HTR4: variants seen among roughly 807,000 people sequenced by gnomAD.
The protein encoded by HTR4 is 5-hydroxytryptamine (serotonin) receptor 4, G protein-coupled.
A neutral mutation model predicts 36.8 loss-of-function variants in HTR4; 16 were observed. That is an observed-to-expected ratio of 0.43 (90% CI 0.29 to 0.66). The LOEUF (loss-of-function observed/expected upper bound fraction) is 0.66, where lower values mean the gene tolerates loss of function less well. Ranked by LOEUF, HTR4 falls within the 30% of genes least tolerant of loss-of-function variation. The pLI, the probability that HTR4 is intolerant of heterozygous loss-of-function variation, is 0.13. For missense variants in HTR4, 438 were observed against 490.9 expected, an observed-to-expected ratio of 0.89 and a Z score of 1.02; for synonymous variants, 189 against 185.1, an observed-to-expected ratio of 1.02 and a Z score of -0.17.
chr5:148,591,989 T>A (rs779793562), intron 2 of HTR4, among the ~76,000 whole-genome samples: 5 of 152,062 alleles, frequency 3.3e-5, no homozygotes, highest in Non-Finnish European at 7.4e-5. Flanking sequence ...ACAACTGAAA[T>A]GTCATCAATG....
downstream of HTR4, among the ~76,000 whole-genome samples, chr5:148,480,756 T>G (rs906149533): frequency 6.6e-6 from 1 of 152,242 alleles, no homozygotes; most frequent in Non-Finnish European, 1.5e-5. Context: ...TTTCTTTCTC[T>G]GTTTCTTTAT....
At chr5:148,490,675 T>C (rs1048052515) in intron 6 of HTR4, 2 of 1,179,648 alleles carry the variant, frequency 1.7e-6, no homozygotes, top group Admixed American at 8.1e-5. Flanking sequence ...ACACTTTTAA[T>C]TGACTGATGG....
intron 2 of HTR4, among the ~76,000 whole-genome samples, chr5:148,598,439 G>A (rs1488446970): frequency 6.6e-6 from 1 of 151,994 alleles, no homozygotes; most frequent in African/African-American, 2.4e-5. Flanking sequence ...AGGTACTAAG[G>A]AGTCTAAGGT....
Position 148,511,647 on chromosome 5 carries a change from G to GTGTGTGTGTGTA in HTR4, c.508-1635_508-1624dup, listed in dbSNP as rs1554090333. On this transcript the variant is annotated intron_variant, in intron 5 of 6. Coordinates refer to ENST00000377888, the MANE Select transcript of HTR4 (RefSeq NM_000870.7). ...TGTGTGTGTGTGTGTGTGTGTGTGT[G>GTGTGTGTGTGTA]TGTGTGTGTGTATTTTCATCTCTCT... Among the ~76,000 whole-genome samples the GTGTGTGTGTGTA allele has an allele frequency of 9.4e-4, 142 of 151,870 alleles. 1 individual carries two copies. Among genetic ancestry groups the GTGTGTGTGTGTA allele is most frequent in the African/African-American group, 3.2e-3 (131 of 41,382 alleles).
At chr5:148,492,231 C>T (rs1013413966) in intron 6 of HTR4, among the ~76,000 whole-genome samples, 1 of 152,172 alleles carries the variant, frequency 6.6e-6, no homozygotes, top group Non-Finnish European at 1.5e-5. Flanking sequence ...CAAACACACA[C>T]GGAATGTGCT....
Position 148,482,946 on chromosome 5 carries a change from G to A in HTR4, c.*257C>T, listed in dbSNP as rs1755957446. ...ATGTCAGAGACACCAGAGACCACGC[G>A]GCAAAAGCAGAGAATCTGGGAAGAG... is the stretch of plus-strand genomic sequence containing the variant. On this transcript the variant is annotated 3_prime_UTR_variant, in exon 7 of 7. Coordinates refer to ENST00000377888, the MANE Select transcript of HTR4 (RefSeq NM_000870.7). 7.3e-7 allele frequency: 1 copy of A among 1,360,572 alleles called. No homozygotes were observed. Among genetic ancestry groups the A allele is most frequent in the South Asian group, 1.6e-5 (1 of 62,394 alleles). The allele number at this position is 1,360,572 out of a possible 1,614,324, so 84.3% of individuals were successfully genotyped here. A position where few individuals can be genotyped will look rare whatever the true frequency, so the allele number is the denominator to read the frequency against.
chr5:148,538,585 C>T (rs1049945682), intron 4 of HTR4, among the ~76,000 whole-genome samples: 1 of 152,076 alleles, frequency 6.6e-6, no homozygotes. Context: ...CCTACGACAG[C>T]CAAGCTAAGA....
chr5:148,606,120 G>T (rs962111077), intron 2 of HTR4, among the ~76,000 whole-genome samples: 6 of 152,198 alleles, frequency 3.9e-5, no homozygotes, highest in African/African-American at 1.4e-4. Context: ...ATTTGGAATT[G>T]CAGAGACTGG....
chr5:148,526,742 G>T (rs981983996), intron 4 of HTR4, among the ~76,000 whole-genome samples: 1 of 152,042 alleles, frequency 6.6e-6, no homozygotes, highest in Non-Finnish European at 1.5e-5. Context: ...GATGGAACTG[G>T]AGGACATTAT....
chr5:148,539,776 A>G (rs889278070), intron 4 of HTR4, among the ~76,000 whole-genome samples: 5 of 152,158 alleles, frequency 3.3e-5, no homozygotes, highest in Non-Finnish European at 7.4e-5. Flanking sequence ...GTTGGAGGGA[A>G]TGTAAATTAG....
At chr5:148,478,076 A>G (rs1203699932), downstream of HTR4, among the ~76,000 whole-genome samples, 1 of 152,244 alleles carries the variant, frequency 6.6e-6, no homozygotes, top group African/African-American at 2.4e-5. Context: ...AAGAGAGAGT[A>G]GAGACCTTGT....
At chr5:148,627,339 T>A (rs1184456432) in intron 2 of HTR4, among the ~76,000 whole-genome samples, 2 of 140,022 alleles carry the variant, frequency 1.4e-5, no homozygotes, top group Non-Finnish European at 1.6e-5. Flanking sequence ...AAGAAGTTTG[T>A]CGATTTTTTT....
downstream of HTR4, among the ~76,000 whole-genome samples, chr5:148,476,121 C>A (rs534859377): frequency 1.3e-5 from 2 of 152,222 alleles, no homozygotes; most frequent in African/African-American, 4.8e-5. Flanking sequence ...TTTATGACAT[C>A]TTTCAAAGAT....
intron 2 of HTR4, among the ~76,000 whole-genome samples, chr5:148,563,472 G>A (rs1021587815): frequency 6.6e-6 from 1 of 152,200 alleles, no homozygotes. Flanking sequence ...TAACTTGAAT[G>A]TAAAATCACT....
At chr5:148,571,748 A>G (rs1018259433) in intron 2 of HTR4, among the ~76,000 whole-genome samples, 1 of 152,066 alleles carries the variant, frequency 6.6e-6, no homozygotes, top group Admixed American at 6.6e-5. Context: ...CAGTTAAAGA[A>G]GCTCAGAGAA....
intron 2 of HTR4, among the ~76,000 whole-genome samples, chr5:148,619,489 G>A (rs1451937134): frequency 1.3e-5 from 2 of 152,158 alleles, no homozygotes; most frequent in Non-Finnish European, 2.9e-5. Context: ...GGTAGTGCCT[G>A]CCCTCAATTC....
intron 2 of HTR4, among the ~76,000 whole-genome samples, chr5:148,589,888 G>C (rs879918701): frequency 6.6e-6 from 1 of 152,008 alleles, no homozygotes; most frequent in Non-Finnish European, 1.5e-5. Context: ...CAATTTTTAA[G>C]TATACAATCC....
intron 5 of HTR4, among the ~76,000 whole-genome samples, chr5:148,519,110 C>T (rs977980547): frequency 2.0e-5 from 3 of 152,026 alleles, no homozygotes; most frequent in Admixed American, 2.0e-4. Context: ...CCATTACGAG[C>T]TTAGACTTTG....
chr5:148,500,233 C>T (rs2113752176), intron 6 of HTR4, among the ~76,000 whole-genome samples: 1 of 152,042 alleles, frequency 6.6e-6, no homozygotes. Context: ...GTGTTATGCC[C>T]TGGAGATATT....
Sources: allele counts gnomAD v4.1 joint callset (sites outside exome capture counted in the v4.1 genomes callset), GRCh38; gene constraint gnomAD v4.1.1; transcripts MANE v1.5; gene names NCBI Gene and HGNC (gene_info 2026-07-23, HGNC 2026-07-21).